PEA15: variants seen among roughly 807,000 people sequenced by gnomAD.
PEA15 encodes the protein proliferation and apoptosis adaptor protein 15.
For synonymous variants in PEA15, 60 were observed against 61.8 expected, an observed-to-expected ratio of 0.97 and a Z score of 0.13; for missense variants, 77 against 161.3, an observed-to-expected ratio of 0.48 and a Z score of 2.83.
chr1:160,208,356 G>A lies in PEA15; in HGVS notation c.-3+2834G>A. On this transcript the variant is annotated intron_variant, in intron 1 of 3. Coordinates refer to ENST00000360472, the MANE Select transcript of PEA15 (RefSeq NM_003768.5). The surrounding 1 kb of genome is among the most constrained non-coding windows in gnomAD (Gnocchi z 4.1). ...GAGAGGGAGGCAGGAAGGAAGGAAG[G>A]TGTGAGGAAGCGGTGAGCCTAGCAC... The A allele has an allele frequency of 1.9e-6, 1 of 521,144 alleles. No individual in the cohort carries two copies. Among genetic ancestry groups the A allele is most frequent in the Non-Finnish European group, 3.5e-6 (1 of 288,430 alleles). 32.3% of individuals were successfully genotyped at this position (521,144 alleles called of 1,614,324 possible).
chr1:160,213,610 TACTGTGCGCGTGTGTGTGCGTGTGCGC>T lies in PEA15; in HGVS notation c.*127_*153del. The stretch of plus-strand genomic sequence containing the variant: ...CTTACTAACCTGGTCCTAACCCCCT[TACTGTGCGCGTGTGTGTGCGTGTGCGC>T]ACGCTCTGGCTGTTTGTCTATATGT... On this transcript the variant is annotated 3_prime_UTR_variant, in exon 4 of 4. Transcript: ENST00000360472. This position sits in a 1 kb window ranked among gnomAD's most constrained non-coding sequence, Gnocchi z 5.3. 1.3e-6 allele frequency: 1 copy of T among 744,826 alleles called. No homozygotes were observed. The allele number at this position is 744,826 out of a possible 1,614,324, so 46.1% of individuals were successfully genotyped here.
chr1:160,213,707 C>G lies in PEA15; in HGVS notation c.*221C>G, dbSNP rs1236861034. The G allele has an allele frequency of 5.2e-5, 13 of 251,940 alleles. No homozygotes were observed. The highest frequency in any genetic ancestry group is 1.0e-4 in the Non-Finnish European group (13 of 126,174). The allele number at this position is 251,940 out of a possible 1,614,324, so 15.6% of individuals were successfully genotyped here. ...TTCTTAAGGGGATGGGGGTCAGGGG[C>G]TAGGGGAGGGGGCTGAGTTTCCCCA... On this transcript the variant is annotated 3_prime_UTR_variant, in exon 4 of 4. Coordinates refer to ENST00000360472, the MANE Select transcript of PEA15 (RefSeq NM_003768.5). The surrounding 1 kb of genome is among the most constrained non-coding windows in gnomAD (Gnocchi z 5.3).
rs1015648593 is a variant in PEA15 at position 160,208,389 on chromosome 1, T to G, written c.-3+2867T>G. The G allele has an allele frequency of 1.9e-5, 11 of 570,088 alleles. No homozygotes were observed. Among genetic ancestry groups the G allele is most frequent in the African/African-American group, 1.9e-4 (10 of 53,208 alleles). The allele number at this position is 570,088 out of a possible 1,614,324, so 35.3% of individuals were successfully genotyped here. On this transcript the variant is annotated intron_variant, in intron 1 of 3. Transcript: ENST00000360472. The surrounding 1 kb of genome is among the most constrained non-coding windows in gnomAD (Gnocchi z 4.1). ...AAGCGGTGAGCCTAGCACAGAAAGC[T>G]GGGAGGGAAGAGGACTGACTTCCTG...
intron 1 of PEA15, among the ~76,000 whole-genome samples, chr1:160,209,075 G>A (rs921012392): frequency 6.6e-6 from 1 of 152,046 alleles, no homozygotes; most frequent in Non-Finnish European, 1.5e-5. Context: ...TCACCCCTCT[G>A]GATGTGAGCC....
In PEA15 at chr1:160,211,534, C is replaced by A. The variant is rs1357948589; in HGVS notation, c.-2-9C>A. 8 of 1,602,736 alleles carry A rather than the reference C, an allele frequency of 5.0e-6. No individual in the cohort carries two copies. The highest frequency in any genetic ancestry group is 6.8e-6 in the Non-Finnish European group (8 of 1,171,912). On this transcript the variant is annotated splice_polypyrimidine_tract_variant and intron_variant, in intron 1 of 3. Coordinates refer to ENST00000360472, the MANE Select transcript of PEA15 (RefSeq NM_003768.5). ...CAACTCCTATCCCTTTGTCGCCTCC[C>A]AACCCCAGTCATGGCTGAGTACGGG...
rs186755834 is a variant in PEA15 at position 160,209,548 on chromosome 1, G to A, written c.-2-1995G>A. On this transcript the variant is annotated intron_variant, in intron 1 of 3. Transcript: ENST00000360472. ...ACACACACACACAGACACACACACA[G>A]ATGCACTCTTTCCTCCCGCAGGATC... 1.5e-3 allele frequency among the ~76,000 whole-genome samples: 228 copies of A among 151,546 alleles called. 2 individuals are homozygous for A. The highest frequency in any genetic ancestry group is 2.8e-3 in the Admixed American group (42 of 15,252).
At chr1:160,212,526 G>A (rs749378703) in intron 2 of PEA15, among the ~76,000 whole-genome samples, 9 of 152,120 alleles carry the variant, frequency 5.9e-5, no homozygotes, top group Non-Finnish European at 1.0e-4. Flanking sequence ...GTTACAGTTA[G>A]ACTGTATGGC....
chr1:160,211,482 A>G, intron 1 of PEA15, 61 bp from the exon 2 acceptor site: 1 of 1,508,596 alleles, frequency 6.6e-7, no homozygotes, highest in Non-Finnish European at 9.0e-7. Flanking sequence ...AGTGCCAGTG[A>G]GTAAACCAGA....
intron 1 of PEA15, among the ~76,000 whole-genome samples, chr1:160,209,472 C>G (rs1264009281): frequency 6.6e-6 from 1 of 152,034 alleles, no homozygotes; most frequent in Non-Finnish European, 1.5e-5. Context: ...CTCTGTAGAT[C>G]TGTTTTAGAT....
chr1:160,206,213 CTG>C (rs1461998589), intron 1 of PEA15: 1 of 152,330 alleles, frequency 6.6e-6, no homozygotes, highest in Non-Finnish European at 1.5e-5. Flanking sequence ...CACCCCCACT[CTG>C]TGGGGTGGGG....
Position 160,208,937 on chromosome 1 carries a change from G to A in PEA15, c.-2-2606G>A, listed in dbSNP as rs1412960550. On this transcript the variant is annotated intron_variant, in intron 1 of 3. Transcript: ENST00000360472. This position sits in a 1 kb window ranked among gnomAD's most constrained non-coding sequence, Gnocchi z 4.1. ...AGGTTGCTATAGTAACAGATGAGAT[G>A]AGGCTACAGCCTTCTATAGTTGTGG... 6.4e-6 allele frequency: 3 copies of A among 466,302 alleles called. No homozygotes were observed. Among genetic ancestry groups the A allele is most frequent in the Non-Finnish European group, 1.2e-5 (3 of 256,118 alleles). The allele number at this position is 466,302 out of a possible 1,614,324, so 28.9% of individuals were successfully genotyped here.
rs1654542350 is a variant in PEA15 at position 160,205,726 on chromosome 1, C to A, written c.-3+204C>A. 1 of 152,304 alleles carries A rather than the reference C, an allele frequency of 6.6e-6. No homozygotes were observed. Among genetic ancestry groups the A allele is most frequent in the Non-Finnish European group, 1.5e-5 (1 of 68,126 alleles). 9.4% of individuals were successfully genotyped at this position (152,304 alleles called of 1,614,324 possible). A position where few individuals can be genotyped will look rare whatever the true frequency, so the allele number is the denominator to read the frequency against. The stretch of plus-strand genomic sequence containing the variant: ...AGCGTGTGCTGGAGGCGGCGTGGCT[C>A]CGGCCAGCCCGTTCCACGCTGAACG... On this transcript the variant is annotated intron_variant, in intron 1 of 3. Coordinates refer to ENST00000360472, the MANE Select transcript of PEA15 (RefSeq NM_003768.5). This position sits in a 1 kb window ranked among gnomAD's most constrained non-coding sequence, Gnocchi z 5.9.
At chr1:160,210,727 C>T (rs1481173069) in intron 1 of PEA15, among the ~76,000 whole-genome samples, 1 of 152,240 alleles carries the variant, frequency 6.6e-6, no homozygotes, top group African/African-American at 2.4e-5. Context: ...CCCAGCCAGC[C>T]TGGGAACTGG....
At position 160,213,745 on chromosome 1, in the gene PEA15, G is replaced by A. The variant is rs918557404; in HGVS notation, c.*259G>A. ...CTGAGTTTCCCCACTTTAGGAGGAG[G>A]TGGGGGCTATTTCTATGCAAATAGA... On this transcript the variant is annotated 3_prime_UTR_variant, in exon 4 of 4. Coordinates refer to ENST00000360472, the MANE Select transcript of PEA15 (RefSeq NM_003768.5). The surrounding 1 kb of genome is among the most constrained non-coding windows in gnomAD (Gnocchi z 5.3). The A allele has an allele frequency of 4.2e-6, 2 of 481,530 alleles. No homozygotes were observed. Among genetic ancestry groups the A allele is most frequent in the Non-Finnish European group, 7.6e-6 (2 of 263,756 alleles). 29.8% of individuals were successfully genotyped at this position (481,530 alleles called of 1,614,324 possible).
chr1:160,206,650 A>C (rs1654604672), intron 1 of PEA15, among the ~76,000 whole-genome samples: 1 of 152,182 alleles, frequency 6.6e-6, no homozygotes, highest in Non-Finnish European at 1.5e-5. Flanking sequence ...TGTGAGAAGC[A>C]GACAGACATC....
chr1:160,210,890 C>T (rs373807007), intron 1 of PEA15, among the ~76,000 whole-genome samples: 1 of 152,140 alleles, frequency 6.6e-6, no homozygotes, highest in Non-Finnish European at 1.5e-5. Flanking sequence ...GCTTCCCCCA[C>T]CTCGAACCCT....
chr1:160,208,484 C>T lies in PEA15; in HGVS notation c.-3+2962C>T. On this transcript the variant is annotated intron_variant, in intron 1 of 3. Transcript: ENST00000360472. This position sits in a 1 kb window ranked among gnomAD's most constrained non-coding sequence, Gnocchi z 4.1. ...CCAAGAATGGCCTCCGCCCAGACTG[C>T]CTGGTGATCCCTGAGCAGCTCTCTG... 1 of 886,188 alleles carries T rather than the reference C, an allele frequency of 1.1e-6. No individual in the cohort carries two copies. Among genetic ancestry groups the T allele is most frequent in the Non-Finnish European group, 1.8e-6 (1 of 560,422 alleles). The allele number at this position is 886,188 out of a possible 1,614,324, so 54.9% of individuals were successfully genotyped here.
chr1:160,211,762 C>T (rs1654885512), intron 2 of PEA15, 46 bp downstream of exon 2: 4 of 1,565,424 alleles, frequency 2.6e-6, no homozygotes, highest in Non-Finnish European at 2.6e-6. Context: ...CATTCAGGCT[C>T]AGTTCATTCA....
rs754258353 is a variant in PEA15 at position 160,213,403 on chromosome 1, C to T, written c.329-19C>T. The T allele has an allele frequency of 2.0e-5, 33 of 1,613,940 alleles. No individual in the cohort carries two copies. Among genetic ancestry groups the T allele is most frequent in the Non-Finnish European group, 2.5e-5 (30 of 1,179,914 alleles). On this transcript the variant is annotated intron_variant, in intron 3 of 3. Coordinates refer to ENST00000360472, the MANE Select transcript of PEA15 (RefSeq NM_003768.5). This position sits in a 1 kb window ranked among gnomAD's most constrained non-coding sequence, Gnocchi z 5.3. ...TCTCCCACACTGCTGTCCCTGGACA[C>T]ATACCTTTTTGCCCCCAGACATTAT... is the stretch of plus-strand genomic sequence containing the variant.
Sources: allele counts gnomAD v4.1 joint callset (sites outside exome capture counted in the v4.1 genomes callset), GRCh38; gene constraint gnomAD v4.1.1; non-coding constraint Gnocchi (gnomAD v3.1); transcripts MANE v1.5; gene names NCBI Gene and HGNC (gene_info 2026-07-23, HGNC 2026-07-21).